Variants in MICALL2 observed in about 807,000 individuals in gnomAD.
MICALL2 encodes MICAL-like protein 2.
In MICALL2, 111 loss-of-function variants were observed where a neutral mutation model predicts 91.1. That is an observed-to-expected ratio of 1.22 (90% CI 1.04 to 1.43). The LOEUF (loss-of-function observed/expected upper bound fraction) is 1.43. MICALL2 is among the 40% of genes most tolerant of loss of function. The probability of loss-of-function intolerance (pLI) is 0.00; values close to 1 mark genes in which losing one functional copy is unlikely to be tolerated. For missense variants in MICALL2, 1,556 were observed against 1,236.0 expected, an observed-to-expected ratio of 1.26 and a Z score of -3.88; for synonymous variants, 694 against 525.3, an observed-to-expected ratio of 1.32 and a Z score of -4.39.
intron 4 of MICALL2, among the ~76,000 whole-genome samples, 156 bp from the exon 5 acceptor site, chr7:1,446,984 G>T (rs917642222): frequency 6.6e-6 from 1 of 152,152 alleles, no homozygotes; most frequent in African/African-American, 2.4e-5. Flanking sequence ...CACCCAGGTG[G>T]GTGGCAGCCC....
rs775490525 is a variant in MICALL2, at chr7:1,438,295, T to C, written c.2181A>G (p.Pro727=). The C allele has an allele frequency of 1.2e-6, 2 of 1,600,222 alleles. No homozygotes were observed. Among genetic ancestry groups the C allele is most frequent in the Non-Finnish European group, 1.7e-6 (2 of 1,174,156 alleles). Residue 727 remains proline, a synonymous_variant, in exon 11 of 17, where the codon CCA becomes CCG. Coordinates refer to ENST00000297508, the MANE Select transcript of MICALL2 (RefSeq NM_182924.4). The part of the protein sequence containing the change: ...PALPGETVTS[P]VRLHPDYLSP... ...GCTCCCCACCACTACTCACCCTGAC[T>C]GGGGAGGTCACCGTCTCGCCAGGCA... is the stretch of plus-strand genomic sequence containing the variant.
intron 1 of MICALL2, among the ~76,000 whole-genome samples, chr7:1,454,365 T>C (rs1780938576): frequency 1.4e-5 from 2 of 146,084 alleles, no homozygotes; most frequent in Non-Finnish European, 3.0e-5. Context: ...AGGGACCAGA[T>C]GGCACAGTCG....
intron 1 of MICALL2, among the ~76,000 whole-genome samples, chr7:1,457,978 T>C (rs1781078344): frequency 1.1e-4 from 17 of 152,396 alleles, no homozygotes; most frequent in Admixed American, 9.8e-4. Flanking sequence ...GCACGCACCT[T>C]GTGCCCAGCA....
intron 1 of MICALL2, among the ~76,000 whole-genome samples, chr7:1,455,792 G>T (rs1271561949): frequency 6.6e-6 from 1 of 151,996 alleles, no homozygotes; most frequent in Non-Finnish European, 1.5e-5. Context: ...CAGACAAAGG[G>T]AAGGACTTCC....
chr7:1,445,343 G>T lies in MICALL2; in HGVS notation c.727C>A (p.Pro243Thr). 1 of 1,603,224 alleles carries T rather than the reference G, an allele frequency of 6.2e-7. No individual in the cohort carries two copies. The change falls in exon 6 of 17, where the codon CCC becomes ACC. Residue 243 changes from proline (P) to threonine (T), a missense_variant. By Grantham distance (38) the Pro-to-Thr change is conservative (BLOSUM62 -1). Transcript: ENST00000297508. ...TTGGGGCTTGCAGAGGCGGCTGCGGGGAGGTGGCTGGTGCAGACGAAGGTG... is the reference window on the plus strand; with the variant it reads ...TTGGGGCTTGCAGAGGCGGCTGCGGTGAGGTGGCTGGTGCAGACGAAGGTG... ...PGTFVCTSHLPAAASASPKLT... is the reference protein window; with the variant it reads ...PGTFVCTSHLTAAASASPKLT...
intron 14 of MICALL2, 104 bp from the exon 15 acceptor site, chr7:1,436,960 A>G (rs10262345): frequency 0.19 from 153,951 of 817,928 alleles, 18,640 homozygotes; most frequent in African/African-American, 0.51. Context: ...TTTTGGAGGA[A>G]GAAGGTGGGG....
At chr7:1,438,546 A>T in intron 10 of MICALL2, 193 bp from the exon 11 acceptor site, 2 of 1,427,672 alleles carry the variant, frequency 1.4e-6, no homozygotes, top group Middle Eastern at 2.6e-4. Context: ...GCCCAGCCCC[A>T]CCCTGCACCC....
rs1297079553 is a variant in MICALL2, at chr7:1,434,416, G to A, written c.*180C>T. On this transcript the variant is annotated 3_prime_UTR_variant, in exon 17 of 17. Transcript: ENST00000297508. The stretch of plus-strand genomic sequence containing the variant: ...ACCACAGACGGTAGCGCAGGTCCCT[G>A]CTGTCCACATGCCCCTTGTAGGGAC... 2 of 699,310 alleles carry A rather than the reference G, an allele frequency of 2.9e-6. No homozygotes were observed. The highest frequency in any genetic ancestry group is 5.2e-6 in the Non-Finnish European group (2 of 382,888). 43.3% of individuals were successfully genotyped at this position (699,310 alleles called of 1,614,324 possible).
chr7:1,437,190 C>A (rs542264661), intron 14 of MICALL2: 1 of 486,702 alleles, frequency 2.1e-6, no homozygotes, highest in Admixed American at 4.1e-5. Flanking sequence ...AGCCAGGGCA[C>A]CCTGCATCAC....
In MICALL2 at chr7:1,451,688, C is replaced by CTCGG. The variant is rs1184465871; in HGVS notation, c.144-1404_144-1401dup. On this transcript the variant is annotated intron_variant, in intron 1 of 16. Coordinates refer to ENST00000297508, the MANE Select transcript of MICALL2 (RefSeq NM_182924.4). This position sits in a 1 kb window ranked among gnomAD's most constrained non-coding sequence, Gnocchi z 4.5. ...GCCTGCATGTCTGACCCCGGCCAGC[C>CTCGG]TCGGTCTCAGGGCCTCAGTCTCCCT... Among the ~76,000 whole-genome samples, 2 of 152,250 alleles carry CTCGG rather than the reference C, an allele frequency of 1.3e-5. No homozygotes were observed. The highest frequency in any genetic ancestry group is 4.8e-5 in the African/African-American group (2 of 41,466).
At chr7:1,457,678 G>C (rs1438021756) in intron 1 of MICALL2, among the ~76,000 whole-genome samples, 1 of 152,248 alleles carries the variant, frequency 6.6e-6, no homozygotes, top group Admixed American at 6.5e-5. Flanking sequence ...AGCCGGCAGG[G>C]AGTACAGAGA....
At chr7:1,450,981 C>A (rs1313443734) in intron 1 of MICALL2, among the ~76,000 whole-genome samples, 1 of 152,178 alleles carries the variant, frequency 6.6e-6, no homozygotes, top group Non-Finnish European at 1.5e-5. Context: ...GGGGACCTGC[C>A]CCAGGTCACA....
chr7:1,452,383 G>A lies in MICALL2; in HGVS notation c.144-2095C>T, dbSNP rs572571679. On this transcript the variant is annotated intron_variant, in intron 1 of 16. Transcript: ENST00000297508. The surrounding 1 kb of genome is among the most constrained non-coding windows in gnomAD (Gnocchi z 6.2). ...CAGGGACTCTGCAGCCATGCTGGGC[G>A]TCAGCCTCAGCCCCCAGGGCTTAGG... is the stretch of plus-strand genomic sequence containing the variant. 1.6e-4 allele frequency among the ~76,000 whole-genome samples: 24 copies of A among 152,136 alleles called. No individual in the cohort carries two copies. The highest frequency in any genetic ancestry group is 4.8e-4 in the African/African-American group (20 of 41,486).
In MICALL2 at chr7:1,438,103, CG is replaced by C. The variant is rs1780067179; in HGVS notation, c.2304del (p.Glu769ArgfsTer24). 1.9e-6 allele frequency: 3 copies of C among 1,566,292 alleles called. No individual in the cohort carries two copies. The highest frequency in any genetic ancestry group is 1.4e-5 in the African/African-American group (1 of 74,004). On this transcript the variant is annotated frameshift_variant, in exon 12 of 17. Transcript: ENST00000297508. LOFTEE classifies it high-confidence loss of function. ...GVELEKRLRA[A>X]EGDDAEDSLM... The stretch of plus-strand genomic sequence containing the variant: ...GCCAGGCCGAGGCGCTCACCTCCCT[CG>C]GCCGCCCGCAGTCGCTTCTCCAGCT...
Position 1,442,450 on chromosome 7 carries a change from G to C in MICALL2, c.1453C>G (p.Gln485Glu), listed in dbSNP as rs778420694. Residue 485 changes from glutamine (Q) to glutamate (E), a missense_variant, in exon 7 of 17, where the codon CAG (glutamine) becomes GAG (glutamate). By Grantham distance (29) the Gln-to-Glu change is conservative. Transcript: ENST00000297508. ...GCTTGTGGTGCTTCAGTTTTGGGCT[G>C]AGAACTGGGAACAGCGGCAGTGGCT... is the stretch of plus-strand genomic sequence containing the variant. ...SPATAAVPSS[Q>E]PKTEAPQASP... 1 of 1,548,022 alleles carries C rather than the reference G, an allele frequency of 6.5e-7. No homozygotes were observed. The highest frequency in any genetic ancestry group is 1.4e-5 in the African/African-American group (1 of 73,220).
Position 1,452,097 on chromosome 7 carries a change from C to T in MICALL2, c.144-1809G>A, listed in dbSNP as rs572608930. ...GCTGGGATCCTTGGGAACCCTCCAC[C>T]GTTTCCAGCTTGGACCCCCTCCCAG... On this transcript the variant is annotated intron_variant, in intron 1 of 16. Transcript: ENST00000297508. The surrounding 1 kb of genome is among the most constrained non-coding windows in gnomAD (Gnocchi z 6.2). 3.9e-5 allele frequency among the ~76,000 whole-genome samples: 6 copies of T among 152,300 alleles called. No individual in the cohort carries two copies. The highest frequency in any genetic ancestry group is 3.9e-4 in the East Asian group (2 of 5,188).
chr7:1,442,346 C>T lies in MICALL2; in HGVS notation c.1557G>A (p.Pro519=), dbSNP rs745509812. The T allele has an allele frequency of 4.0e-5, 65 of 1,612,484 alleles. No individual in the cohort carries two copies. Among genetic ancestry groups the T allele is most frequent in the African/African-American group, 1.9e-4 (14 of 74,930 alleles). ...CCTGAGAGGTACTGCTCGTGCTCAG[C>T]GGGGCTGGCGGTTCCATCCTCGAAG... ...GLPSRMEPPA[P]LSTSSTSQAS... The change falls in exon 7 of 17, where the codon CCG becomes CCA. Residue 519 remains proline (P), a synonymous_variant. Coordinates refer to ENST00000297508, the MANE Select transcript of MICALL2 (RefSeq NM_182924.4).
At chr7:1,439,590 T>C (rs1004174983) in intron 9 of MICALL2, 4 of 257,106 alleles carry the variant, frequency 1.6e-5, no homozygotes, top group South Asian at 2.6e-4. Flanking sequence ...GATGTACACA[T>C]GAATACACAT....
chr7:1,435,044 G>C, intron 16 of MICALL2, 57 bp downstream of exon 16: 1 of 1,293,250 alleles, frequency 7.7e-7, no homozygotes, highest in Non-Finnish European at 1.0e-6. Flanking sequence ...CCAGCACTCA[G>C]CATCCCCGGC....
Sources: gnomAD v4.1 joint callset for allele counts (sites outside exome capture counted in the v4.1 genomes callset) on GRCh38, gnomAD v4.1.1 for gene constraint, Gnocchi (gnomAD v3.1) non-coding constraint, MANE v1.5 for transcripts, NCBI Gene and HGNC (gene_info 2026-07-23, HGNC 2026-07-21) for gene names.